SCARB1: variants seen among roughly 807,000 people sequenced by gnomAD.
The protein encoded by SCARB1 is scavenger receptor class B member 1, also known as CD36 and LIMPII analogous 1.
SCARB1 carries 30 observed loss-of-function variants against 57.2 expected under a neutral mutation model. The ratio of observed to expected loss-of-function variants is 0.52; its 90% CI spans 0.39 to 0.71. The LOEUF (loss-of-function observed/expected upper bound fraction) is 0.71, where lower values mean the gene tolerates loss of function less well. Ranked by LOEUF, SCARB1 falls within the 30% of genes least tolerant of loss-of-function variation. The probability of loss-of-function intolerance (pLI) is 0.00; values close to 1 mark genes in which losing one functional copy is unlikely to be tolerated. For synonymous variants in SCARB1, 249 were observed against 268.3 expected (o/e 0.93, Z 0.70); for missense variants, 543 against 671.2 (o/e 0.81, Z 2.11).
At chr12:124,827,286 T>G (rs2135728807) in intron 1 of SCARB1, among the ~76,000 whole-genome samples, 1 of 152,226 alleles carries the variant, frequency 6.6e-6, no homozygotes, top group Admixed American at 6.5e-5. Context: ...TCATAATAGA[T>G]CGAGTAAGTG....
intron 1 of SCARB1, among the ~76,000 whole-genome samples, chr12:124,837,526 A>G (rs1951712664): frequency 3.2e-5 from 3 of 94,518 alleles, no homozygotes; most frequent in African/African-American, 9.0e-5. Flanking sequence ...AAAGAAAGGA[A>G]AGAAAAAGAA....
rs1019729939 is a variant in SCARB1 at position 124,787,599 on chromosome 12, T to C, written c.1203-142A>G. The C allele has an allele frequency of 8.3e-6, 6 of 723,918 alleles. No individual in the cohort carries two copies. The East Asian group carries it at 1.7e-4, about 20-fold the overall frequency. 44.8% of individuals were successfully genotyped at this position (723,918 alleles called of 1,614,324 possible). On this transcript the variant is annotated intron_variant, in intron 9 of 12. Transcript: ENST00000261693. ...TCACCACCAAATATAAACAATGAGC[T>C]GAAACACTTTAGGAGCCATATGACA...
Position 124,814,551 on chromosome 12 carries a change from G to C in SCARB1, c.427-146C>G. Reference sequence around the variant, plus strand: ...CTGGAGTGGCCACGTGGGGCATCTGGGACACCAGAACCACCCTCTGCTCCT... The same window carrying C: ...CTGGAGTGGCCACGTGGGGCATCTGCGACACCAGAACCACCCTCTGCTCCT... On this transcript the variant is annotated intron_variant, in intron 3 of 12. Transcript: ENST00000261693. This position sits in a 1 kb window ranked among gnomAD's most constrained non-coding sequence, Gnocchi z 4.7. 2.5e-6 allele frequency: 2 copies of C among 813,720 alleles called. No individual in the cohort carries two copies. The highest frequency in any genetic ancestry group is 4.1e-6 in the Non-Finnish European group (2 of 482,324). The allele number at this position is 813,720 out of a possible 1,614,324, so 50.4% of individuals were successfully genotyped here. A position where few individuals can be genotyped will look rare whatever the true frequency, so the allele number is the denominator to read the frequency against.
chr12:124,862,211 C>G (rs1952930046), intron 1 of SCARB1, among the ~76,000 whole-genome samples: 1 of 152,218 alleles, frequency 6.6e-6, no homozygotes, highest in Admixed American at 6.5e-5. Context: ...AGCCTCTGAG[C>G]TGTCATGGGG....
At position 124,810,227 on chromosome 12, in the gene SCARB1, C is replaced by T. The variant is rs565034153; in HGVS notation, c.789G>A (p.Pro263=). 73 of 1,614,122 alleles carry T rather than the reference C, an allele frequency of 4.5e-5. 1 individual carries two copies. The South Asian group carries it at 5.5e-4, about 12-fold the overall frequency. The part of the protein sequence containing the change: ...MINGTSGQMW[P]PFMTPESSLE... Reference sequence around the variant, plus strand: ...GCGAGGACTCAGGAGTCATGAAGGGCGGCCACATTTGCCCAGAAGTTCCAT... The same window carrying T: ...GCGAGGACTCAGGAGTCATGAAGGGTGGCCACATTTGCCCAGAAGTTCCAT... The change falls in exon 6 of 13, where the codon CCG becomes CCA. Residue 263 remains proline, a synonymous_variant. Coordinates refer to ENST00000261693, the MANE Select transcript of SCARB1 (RefSeq NM_005505.5). The surrounding 1 kb of genome is among the most constrained non-coding windows in gnomAD (Gnocchi z 4.0).
At chr12:124,782,114 G>A (rs1237715982) in intron 12 of SCARB1, among the ~76,000 whole-genome samples, 2 of 151,940 alleles carry the variant, frequency 1.3e-5, no homozygotes, top group Non-Finnish European at 2.9e-5. Context: ...TCACCATGTT[G>A]GCCAGGCTGG....
chr12:124,795,061 C>T (rs1949894602), intron 9 of SCARB1, 134 bp downstream of exon 9: 1 of 793,518 alleles, frequency 1.3e-6, no homozygotes, highest in Admixed American at 1.8e-5. Flanking sequence ...GACTGGATTC[C>T]ACCCCCAATA....
chr12:124,786,092 T>C (rs1949502789), intron 11 of SCARB1: 3 of 1,530,902 alleles, frequency 2.0e-6, no homozygotes, highest in Non-Finnish European at 2.6e-6. Flanking sequence ...CCAGGTCTCA[T>C]TACTCAAAGC....
chr12:124,807,752 G>T lies in SCARB1; in HGVS notation c.1009+9C>A. ...CTCCCGCCATCCCAGCACAGGGGAC[G>T]GCACGTACTGAACCTGCAGGTGCTG... On this transcript the variant is annotated intron_variant, in intron 7 of 12. Transcript: ENST00000261693. The surrounding 1 kb of genome is among the most constrained non-coding windows in gnomAD (Gnocchi z 5.3). The T allele has an allele frequency of 6.2e-7, 1 of 1,613,870 alleles. No individual in the cohort carries two copies. Among genetic ancestry groups the T allele is most frequent in the Non-Finnish European group, 8.5e-7 (1 of 1,179,902 alleles).
Position 124,788,416 on chromosome 12 carries a change from G to A in SCARB1, c.1203-959C>T, listed in dbSNP as rs532849148. 1.2e-4 allele frequency among the ~76,000 whole-genome samples: 18 copies of A among 152,316 alleles called. No individual in the cohort carries two copies. The South Asian group carries it at 1.9e-3, about 16-fold the overall frequency. The stretch of plus-strand genomic sequence containing the variant: ...CCAAGTTCTGGTTAATGAGATGTTC[G>A]CAGAAGCGTTACGTGGGATGGCCGG... On this transcript the variant is annotated intron_variant, in intron 9 of 12. Coordinates refer to ENST00000261693, the MANE Select transcript of SCARB1 (RefSeq NM_005505.5).
chr12:124,844,178 TA>T lies in SCARB1; in HGVS notation c.126+19416del, dbSNP rs547654126. Among the ~76,000 whole-genome samples the T allele has an allele frequency of 3.4e-3, 519 of 152,112 alleles. 4 individuals are homozygous for T. The highest frequency in any genetic ancestry group is 5.7e-3 in the Non-Finnish European group (388 of 67,988). On this transcript the variant is annotated intron_variant, in intron 1 of 12. Transcript: ENST00000261693. The stretch of plus-strand genomic sequence containing the variant: ...TAAATACAACAGGATGAACATGAAT[TA>T]GGGGGTCCAGGCAGCAGAAGGAAGC...
chr12:124,816,584 A>C (rs373785862), intron 2 of SCARB1, among the ~76,000 whole-genome samples: 19 of 152,230 alleles, frequency 1.2e-4, no homozygotes, highest in East Asian at 1.2e-3. Flanking sequence ...GTGGGTCTCC[A>C]ACAGCGGGAA....
intron 1 of SCARB1, among the ~76,000 whole-genome samples, chr12:124,853,888 C>A (rs1028480200): frequency 4.6e-5 from 7 of 152,216 alleles, no homozygotes; most frequent in African/African-American, 1.7e-4. Context: ...GGACCACAAC[C>A]TGCCACTGGT....
At chr12:124,832,101 G>A (rs915400609) in intron 1 of SCARB1, among the ~76,000 whole-genome samples, 1 of 152,234 alleles carries the variant, frequency 6.6e-6, no homozygotes, top group Admixed American at 6.5e-5. Flanking sequence ...TATTACTGAT[G>A]TATCAACACT....
At chr12:124,779,342 C>G (rs746029989) in intron 12 of SCARB1, among the ~76,000 whole-genome samples, 3 of 152,210 alleles carry the variant, frequency 2.0e-5, no homozygotes, top group Non-Finnish European at 4.4e-5. Flanking sequence ...CAGCAATACA[C>G]GCAGCAGGAT....
At chr12:124,861,844 TG>T (rs1216207336) in intron 1 of SCARB1, among the ~76,000 whole-genome samples, 1 of 150,356 alleles carries the variant, frequency 6.7e-6, no homozygotes, top group African/African-American at 2.5e-5. Flanking sequence ...AGGAGAGGAG[TG>T]GGGAAATTTG....
intron 12 of SCARB1, among the ~76,000 whole-genome samples, chr12:124,779,999 G>T (rs567490215): frequency 6.6e-6 from 1 of 152,194 alleles, no homozygotes; most frequent in Non-Finnish European, 1.5e-5. Context: ...TCACTCAGAA[G>T]TAGAAAGGGG....
intron 11 of SCARB1, chr12:124,784,071 A>G (rs922879447): frequency 6.6e-6 from 1 of 152,216 alleles, no homozygotes; most frequent in Non-Finnish European, 1.5e-5. Context: ...ACAGAAGGAG[A>G]CAGAGGGATG....
At chr12:124,856,718 G>C (rs958116984) in intron 1 of SCARB1, among the ~76,000 whole-genome samples, 1 of 152,194 alleles carries the variant, frequency 6.6e-6, no homozygotes, top group Non-Finnish European at 1.5e-5. Context: ...GGAAACGCCC[G>C]GTAGGTGGAG....
Sources: allele counts gnomAD v4.1 joint callset (sites outside exome capture counted in the v4.1 genomes callset), GRCh38; gene constraint gnomAD v4.1.1; non-coding constraint Gnocchi (gnomAD v3.1); transcripts MANE v1.5; gene names NCBI Gene and HGNC (gene_info 2026-07-23, HGNC 2026-07-21).